FAM13B: variants seen among roughly 807,000 people sequenced by gnomAD.
FAM13B encodes the protein protein FAM13B.
FAM13B carries 60 observed loss-of-function variants against 117.3 expected under a neutral mutation model. That is an observed-to-expected ratio of 0.51 (90% CI 0.42 to 0.63). The LOEUF (loss-of-function observed/expected upper bound fraction) is 0.63, where lower values mean the gene tolerates loss of function less well. Ranked by LOEUF, FAM13B falls within the 30% of genes least tolerant of loss-of-function variation. FAM13B has a pLI of 0.00. For synonymous variants in FAM13B, 332 were observed against 356.1 expected, an observed-to-expected ratio of 0.93 and a Z score of 0.76; for missense variants, 972 against 1,091.9, an observed-to-expected ratio of 0.89 and a Z score of 1.55.
chr5:137,998,102 T>C (rs1048815654), intron 7 of FAM13B, among the ~76,000 whole-genome samples: 9 of 152,240 alleles, frequency 5.9e-5, no homozygotes, highest in African/African-American at 2.2e-4. Context: ...AAAGCCCCAA[T>C]GCTCAGGCTG....
intron 7 of FAM13B, among the ~76,000 whole-genome samples, chr5:138,006,281 T>A (rs1782554173): frequency 6.6e-6 from 1 of 152,194 alleles, no homozygotes; most frequent in South Asian, 2.1e-4. Flanking sequence ...AGCTGGATCC[T>A]CCTAAGTAGA....
rs547089881 is a variant in FAM13B at position 137,943,311 on chromosome 5, T to C, written c.2341-95A>G. ...ATTATGTTACGAATCTTCAACTTTA[T>C]TTTCAAAATCTTAAACATTTGCTTT... On this transcript the variant is annotated intron_variant, in intron 20 of 23. Coordinates refer to ENST00000689681, the MANE Select transcript of FAM13B (RefSeq NM_001385994.1). 4 of 968,368 alleles carry C rather than the reference T, an allele frequency of 4.1e-6. No homozygotes were observed. The African/African-American group carries it at 5.0e-5, about 12-fold the overall frequency. The allele number at this position is 968,368 out of a possible 1,614,324, so 60.0% of individuals were successfully genotyped here.
intron 7 of FAM13B, among the ~76,000 whole-genome samples, chr5:138,006,067 T>C (rs1782486522): frequency 1.3e-5 from 2 of 151,972 alleles, no homozygotes; most frequent in Admixed American, 1.3e-4. Context: ...CCCGGCTAAT[T>C]TTTGTATTTT....
Position 138,019,072 on chromosome 5 carries a change from A to G in FAM13B, c.40T>C (p.Ser14Pro). 6.2e-7 allele frequency: 1 copy of G among 1,614,030 alleles called. No individual in the cohort carries two copies. Among genetic ancestry groups the G allele is most frequent in the Non-Finnish European group, 8.5e-7 (1 of 1,179,968 alleles). Residue 14 changes from serine to proline, a missense_variant, in exon 3 of 24, where the codon TCC becomes CCC. Physicochemically the swap from Ser to Pro is moderately conservative, Grantham distance 74. Coordinates refer to ENST00000689681, the MANE Select transcript of FAM13B (RefSeq NM_001385994.1). Reference sequence around the variant, plus strand: ...CCAAATATTTTGTTAGCAAGAACGGAGTTGCAGTTACTCAAGGAAGGGGAG... The same window carrying G: ...CCAAATATTTTGTTAGCAAGAACGGGGTTGCAGTTACTCAAGGAAGGGGAG... Reference protein sequence around the residue: ...SSSPSLSNCNSVLANKIFGIP... With the variant: ...SSSPSLSNCNPVLANKIFGIP...
At chr5:138,052,026 G>A (rs1791813169), upstream of FAM13B, 1 of 152,232 alleles carries the variant, frequency 6.6e-6, no homozygotes, top group East Asian at 1.9e-4. Context: ...TGTGTCCTTA[G>A]AGATAAAGAA....
At chr5:137,956,078 A>C (rs1049030875) in intron 14 of FAM13B, among the ~76,000 whole-genome samples, 2 of 152,198 alleles carry the variant, frequency 1.3e-5, no homozygotes, top group Non-Finnish European at 2.9e-5. Flanking sequence ...TCGCTGCTTT[A>C]GTAATTTAGT....
chr5:137,965,958 C>CT (rs889382797), intron 10 of FAM13B, among the ~76,000 whole-genome samples: 24 of 146,900 alleles, frequency 1.6e-4, no homozygotes, highest in East Asian at 1.6e-3. Context: ...ACTTCATACA[C>CT]TTTTTTTTTT....
intron 10 of FAM13B, among the ~76,000 whole-genome samples, chr5:137,970,534 A>C (rs1433972944): frequency 6.6e-6 from 1 of 152,196 alleles, no homozygotes; most frequent in African/African-American, 2.4e-5. Flanking sequence ...CATCGAGACT[A>C]GGAAGAAACT....
At chr5:137,983,697 T>A (rs979074158) in intron 10 of FAM13B, among the ~76,000 whole-genome samples, 6 of 152,324 alleles carry the variant, frequency 3.9e-5, no homozygotes, top group African/African-American at 1.4e-4. Context: ...AGTGGCAGCT[T>A]AACTTCTTTG....
intron 10 of FAM13B, among the ~76,000 whole-genome samples, chr5:137,969,335 C>A (rs1771240437): frequency 1.3e-5 from 2 of 152,296 alleles, no homozygotes; most frequent in South Asian, 4.1e-4. Flanking sequence ...TGGGAGGCAC[C>A]CCCAGCAGGG....
At chr5:138,027,304 A>T (rs1454960540) in intron 1 of FAM13B, among the ~76,000 whole-genome samples, 1 of 152,224 alleles carries the variant, frequency 6.6e-6, no homozygotes, top group Non-Finnish European at 1.5e-5. Flanking sequence ...AAACTACATA[A>T]ATACATCCCT....
chr5:137,987,144 A>G (rs1367417004), intron 9 of FAM13B, among the ~76,000 whole-genome samples: 1 of 152,176 alleles, frequency 6.6e-6, no homozygotes, highest in African/African-American at 2.4e-5. Context: ...TGCAGAGTCT[A>G]ATTTTTTAAA....
chr5:137,980,785 T>C (rs1326935568), intron 10 of FAM13B, among the ~76,000 whole-genome samples: 2 of 152,216 alleles, frequency 1.3e-5, no homozygotes, highest in Non-Finnish European at 2.9e-5. Flanking sequence ...AGTTGTTTAC[T>C]AGCTTACTAT....
intron 7 of FAM13B, among the ~76,000 whole-genome samples, chr5:138,004,097 C>T (rs572767097): frequency 2.0e-5 from 3 of 152,024 alleles, no homozygotes; most frequent in East Asian, 1.9e-4. Context: ...GGTGAAATCC[C>T]GTCTCTACTA....
At chr5:138,044,536 A>G (rs1044045658) in intron 1 of FAM13B, among the ~76,000 whole-genome samples, 2 of 149,518 alleles carry the variant, frequency 1.3e-5, no homozygotes, top group African/African-American at 4.9e-5. Context: ...TGGGCGACAG[A>G]GCAAGACTCC....
At chr5:137,954,118 G>T in intron 15 of FAM13B, 48 bp downstream of exon 15, 1 of 1,285,250 alleles carries the variant, frequency 7.8e-7, no homozygotes, top group Non-Finnish European at 1.1e-6. Context: ...CAAAAGACTT[G>T]GGTACATAAT....
chr5:138,043,667 T>C (rs1442491520), intron 1 of FAM13B, among the ~76,000 whole-genome samples: 1 of 151,976 alleles, frequency 6.6e-6, no homozygotes, highest in Admixed American at 6.6e-5. Context: ...CTCGAACTCC[T>C]GACCTCATGA....
Position 138,011,928 on chromosome 5 carries a change from C to T in FAM13B, c.388G>A (p.Glu130Lys), listed in dbSNP as rs751048668. ...AGGAACCTCAACTTTCTTCCAAATT[C>T]ATCTTCATTATTATAATCTATAAAA... Reference protein sequence around the residue: ...QLSQDYNNEDEFGRKLRFLLQ... With the variant: ...QLSQDYNNEDKFGRKLRFLLQ... Residue 130 changes from glutamate to lysine, a missense_variant, in exon 5 of 24, where the codon GAA (glutamate) becomes AAA (lysine). By Grantham distance (56) the Glu-to-Lys change is moderately conservative (BLOSUM62 1). Coordinates refer to ENST00000689681, the MANE Select transcript of FAM13B (RefSeq NM_001385994.1). 25 of 1,585,260 alleles carry T rather than the reference C, an allele frequency of 1.6e-5. No individual in the cohort carries two copies. In the Admixed American group the frequency reaches 1.7e-4, roughly 11 times the overall value.
chr5:137,989,392 C>T (rs187307128), intron 7 of FAM13B, among the ~76,000 whole-genome samples: 35 of 152,334 alleles, frequency 2.3e-4, no homozygotes, highest in African/African-American at 7.9e-4. Context: ...TGGTCTGACA[C>T]ACATAACCCC....
Sources: allele counts gnomAD v4.1 joint callset (sites outside exome capture counted in the v4.1 genomes callset), GRCh38; gene constraint gnomAD v4.1.1; transcripts MANE v1.5; gene names NCBI Gene and HGNC (gene_info 2026-07-23, HGNC 2026-07-21).